Variants in GTSF1 observed in about 807,000 individuals in gnomAD.
The protein encoded by GTSF1 is gametocyte-specific factor 1.
GTSF1 carries 11 observed loss-of-function variants against 28.9 expected under a neutral mutation model. That is an observed-to-expected ratio of 0.38 (90% CI 0.24 to 0.63). The LOEUF (loss-of-function observed/expected upper bound fraction) is 0.63. Ranked by LOEUF, GTSF1 falls within the 30% of genes least tolerant of loss-of-function variation. The pLI, the probability that GTSF1 is intolerant of heterozygous loss-of-function variation, is 0.56. For missense variants in GTSF1, 146 were observed against 201.0 expected (o/e 0.73, Z 1.66); for synonymous variants, 69 against 65.6 (o/e 1.05, Z -0.25).
intron 6 of GTSF1, 110 bp downstream of exon 6, chr12:54,461,999 T>C: frequency 6.8e-6 from 5 of 733,284 alleles, no homozygotes; most frequent in East Asian, 2.6e-5. Context: ...TAAACTACCA[T>C]CAAGGAACAT....
chr12:54,459,214 C>CAGTATA, intron 7 of GTSF1, 89 bp from the exon 8 acceptor site: 1 of 1,459,770 alleles, frequency 6.9e-7, no homozygotes, highest in Non-Finnish European at 9.3e-7. Context: ...ATGACTTATT[C>CAGTATA]CTGTGTATAC....
At chr12:54,470,026 T>G (rs1956575306) in intron 2 of GTSF1, among the ~76,000 whole-genome samples, 1 of 152,018 alleles carries the variant, frequency 6.6e-6, no homozygotes, top group Non-Finnish European at 1.5e-5. Context: ...AATACAAAAA[T>G]TAGCTGGGCA....
At chr12:54,468,597 A>C (rs565674891) in intron 2 of GTSF1, among the ~76,000 whole-genome samples, 1 of 152,368 alleles carries the variant, frequency 6.6e-6, no homozygotes, top group East Asian at 1.9e-4. Context: ...CTCTAAAAGC[A>C]CAGACTCAGC....
In GTSF1 at chr12:54,463,242, T is replaced by C; in HGVS notation, c.173A>G (p.Gln58Arg). Residue 58 changes from glutamine to arginine, a missense_variant, in exon 4 of 9, where the codon CAG becomes CGG. Transcript: ENST00000305879. ...LATCPFNARHQVPRAEISHHI... is the reference protein window; with the variant it reads ...LATCPFNARHRVPRAEISHHI... Reference sequence around the variant, plus strand: ...ATGACTAATTTCAGCTCGAGGAACCTGGTGGCGAGCATTGAAGGGACAAGT... The same window carrying C: ...ATGACTAATTTCAGCTCGAGGAACCCGGTGGCGAGCATTGAAGGGACAAGT... 1 of 1,614,014 alleles carries C rather than the reference T, an allele frequency of 6.2e-7. No individual in the cohort carries two copies. The highest frequency in any genetic ancestry group is 8.5e-7 in the Non-Finnish European group (1 of 1,179,854).
chr12:54,465,435 A>G (rs1956496738), intron 2 of GTSF1, among the ~76,000 whole-genome samples: 2 of 152,212 alleles, frequency 1.3e-5, no homozygotes, highest in South Asian at 2.1e-4. Flanking sequence ...CTCTTATTAT[A>G]AAACAAAAAG....
chr12:54,462,038 C>T (rs1280112074), intron 6 of GTSF1, 71 bp downstream of exon 6: 23 of 1,105,518 alleles, frequency 2.1e-5, no homozygotes, highest in Middle Eastern at 3.9e-4. Context: ...ATTCATGCTC[C>T]GGTGGCTTCT....
Position 54,457,544 on chromosome 12 carries a change from T to C in GTSF1, c.*21-1391A>G, listed in dbSNP as rs549171818. Among the ~76,000 whole-genome samples, 5 of 152,188 alleles carry C rather than the reference T, an allele frequency of 3.3e-5. No individual in the cohort carries two copies. The East Asian group carries it at 9.7e-4, about 29-fold the overall frequency. ...ATCCCCCTGTCTTGGTCTCCCAAAG[T>C]GTTGGGATTACAGGTGTGAGCCACT... On this transcript the variant is annotated intron_variant, in intron 8 of 8. Coordinates refer to ENST00000305879, the MANE Select transcript of GTSF1 (RefSeq NM_144594.3).
intron 2 of GTSF1, among the ~76,000 whole-genome samples, chr12:54,470,070 G>A (rs1452594032): frequency 1.3e-5 from 2 of 152,196 alleles, no homozygotes; most frequent in South Asian, 2.1e-4. Flanking sequence ...AGCTACTCAG[G>A]AGGCTGAGGC....
intron 6 of GTSF1, among the ~76,000 whole-genome samples, chr12:54,461,902 T>C (rs548057645): frequency 6.6e-6 from 1 of 152,212 alleles, no homozygotes; most frequent in Non-Finnish European, 1.5e-5. Context: ...GATAATGTAT[T>C]TTTGTATCCC....
At chr12:54,457,761 T>C (rs1324292283) in intron 8 of GTSF1, among the ~76,000 whole-genome samples, 1 of 152,034 alleles carries the variant, frequency 6.6e-6, no homozygotes, top group Non-Finnish European at 1.5e-5. Context: ...CAATGTATGC[T>C]TTCCTGATGT....
intron 6 of GTSF1, among the ~76,000 whole-genome samples, chr12:54,461,550 G>C (rs1419028027): frequency 6.6e-6 from 1 of 152,086 alleles, no homozygotes; most frequent in Non-Finnish European, 1.5e-5. Flanking sequence ...GAGAGGCCCA[G>C]GGGGATCGCT....
chr12:54,467,754 T>C (rs974768193), intron 2 of GTSF1, among the ~76,000 whole-genome samples: 5 of 152,144 alleles, frequency 3.3e-5, no homozygotes, highest in African/African-American at 1.2e-4. Context: ...TTCTTATTAA[T>C]GGACATTTAC....
At chr12:54,462,777 T>C (rs1166736079) in intron 4 of GTSF1, 52 bp from the exon 5 acceptor site, 1 of 1,431,726 alleles carries the variant, frequency 7.0e-7, no homozygotes, top group African/African-American at 1.4e-5. Flanking sequence ...CAAGTTATTG[T>C]GTTCAAAGGG....
At position 54,458,925 on chromosome 12, in the gene GTSF1, G is replaced by A. The variant is rs187975587; in HGVS notation, c.*20+164C>T. Among the ~76,000 whole-genome samples the A allele has an allele frequency of 4.6e-4, 70 of 151,652 alleles. 1 individual carries two copies. Among genetic ancestry groups the A allele is most frequent in the African/African-American group, 1.7e-3 (69 of 41,356 alleles). ...TTAACCAGTAAATGCCTATTCATTA[G>A]AGTGTAAAGCCATAACAGAGGCTAT... On this transcript the variant is annotated intron_variant, in intron 8 of 8. Transcript: ENST00000305879.
rs531319726 is a variant in GTSF1 at position 54,459,437 on chromosome 12, A to T, written c.488-312T>A. The T allele has an allele frequency of 1.4e-3, 1,878 of 1,341,834 alleles. 3 individuals carry two copies. Among genetic ancestry groups the T allele is most frequent in the Non-Finnish European group, 1.7e-3 (1,696 of 1,024,788 alleles). 83.1% of individuals were successfully genotyped at this position (1,341,834 alleles called of 1,614,324 possible). On this transcript the variant is annotated intron_variant, in intron 7 of 8. Coordinates refer to ENST00000305879, the MANE Select transcript of GTSF1 (RefSeq NM_144594.3). ...AGCTCAAACAGTAGCACAGACTGAAATCAAGAGAATCTGAATCTAGGGGCA... is the reference window on the plus strand; with the variant it reads ...AGCTCAAACAGTAGCACAGACTGAATTCAAGAGAATCTGAATCTAGGGGCA...
At chr12:54,471,495 G>A (rs1436493755) in intron 1 of GTSF1, among the ~76,000 whole-genome samples, 5 of 152,080 alleles carry the variant, frequency 3.3e-5, no homozygotes, top group Middle Eastern at 3.4e-3. Context: ...ATAAATTCTA[G>A]GGCCTACCAA....
chr12:54,462,468 C>T (rs980276801), intron 5 of GTSF1, among the ~76,000 whole-genome samples, 174 bp downstream of exon 5: 2 of 152,188 alleles, frequency 1.3e-5, no homozygotes, highest in African/African-American at 4.8e-5. Context: ...GAGGGATTGG[C>T]TGTTCCACGT....
intron 2 of GTSF1, among the ~76,000 whole-genome samples, chr12:54,467,306 GTTTT>G (rs145700155): frequency 4.0e-5 from 6 of 149,074 alleles, no homozygotes; most frequent in South Asian, 2.1e-4. Flanking sequence ...TTTCCTGTGT[GTTTT>G]TTTTGTTTTT....
intron 6 of GTSF1, among the ~76,000 whole-genome samples, 175 bp downstream of exon 6, chr12:54,461,934 T>A (rs188832906): frequency 2.6e-5 from 4 of 152,314 alleles, no homozygotes; most frequent in Admixed American, 1.3e-4. Flanking sequence ...ACAAAGCACA[T>A]GACCTTTTTG....
Sources: gnomAD v4.1 joint callset for allele counts (sites outside exome capture counted in the v4.1 genomes callset) on GRCh38, gnomAD v4.1.1 for gene constraint, MANE v1.5 for transcripts, NCBI Gene and HGNC (gene_info 2026-07-23, HGNC 2026-07-21) for gene names.